POU6F2: variants seen among roughly 807,000 people sequenced by gnomAD.
POU6F2 encodes the protein POU class 6 homeobox 2.
POU6F2 carries 31 observed loss-of-function variants against 71.3 expected under a neutral mutation model. The observed-to-expected ratio is 0.43, with a 90% confidence interval of 0.33 to 0.59. The LOEUF (loss-of-function observed/expected upper bound fraction) is 0.59. POU6F2 is among the 20% of genes least tolerant of loss of function. The pLI, the probability that POU6F2 is intolerant of heterozygous loss-of-function variation, is 0.04. For missense variants in POU6F2, 783 were observed against 856.8 expected (o/e 0.91, Z 1.07); for synonymous variants, 347 against 355.7 (o/e 0.98, Z 0.27).
intron 6 of POU6F2, among the ~76,000 whole-genome samples, chr7:39,418,937 G>GTGTATATA (rs1270323092): frequency 7.7e-6 from 1 of 129,914 alleles, no homozygotes; most frequent in Non-Finnish European, 1.6e-5. Flanking sequence ...ATGTATATAT[G>GTGTATATA]TGTATATATG....
intron 4 of POU6F2, among the ~76,000 whole-genome samples, chr7:39,253,092 T>C (rs542689604): frequency 5.9e-5 from 9 of 152,172 alleles, no homozygotes; most frequent in Non-Finnish European, 1.2e-4. Flanking sequence ...GGCTTGCTAT[T>C]ATCCCTTCTC....
intron 4 of POU6F2, among the ~76,000 whole-genome samples, chr7:39,287,499 C>T (rs1784671722): frequency 6.6e-6 from 1 of 152,198 alleles, no homozygotes; most frequent in African/African-American, 2.4e-5. Context: ...CATAGTCTAC[C>T]AACCTCACTG....
intron 1 of POU6F2, among the ~76,000 whole-genome samples, chr7:38,987,921 T>C (rs1186291809): frequency 6.6e-6 from 1 of 152,136 alleles, no homozygotes; most frequent in Non-Finnish European, 1.5e-5. Context: ...GTGTGTTCTT[T>C]TTCCCTCTTG....
chr7:39,374,556 CAA>C (rs1786673697), intron 5 of POU6F2, among the ~76,000 whole-genome samples: 5 of 152,130 alleles, frequency 3.3e-5, no homozygotes, highest in Non-Finnish European at 7.4e-5. Flanking sequence ...TAAAGATATT[CAA>C]GAATGCTTTT....
At chr7:39,010,385 T>G in intron 1 of POU6F2, among the ~76,000 whole-genome samples, 1 of 148,604 alleles carries the variant, frequency 6.7e-6, no homozygotes, top group Non-Finnish European at 1.5e-5. Context: ...TTTATCATTT[T>G]TTATTGCATC....
chr7:39,320,492 G>T (rs763999676), intron 4 of POU6F2, among the ~76,000 whole-genome samples: 2 of 151,990 alleles, frequency 1.3e-5, no homozygotes, highest in Non-Finnish European at 2.9e-5. Context: ...ATTCTCAAAG[G>T]GGTTCATAAT....
At chr7:39,053,489 ACCACCAACTTTTTTCC>A (rs1327903051) in intron 1 of POU6F2, among the ~76,000 whole-genome samples, 1 of 151,874 alleles carries the variant, frequency 6.6e-6, no homozygotes, top group African/African-American at 2.4e-5. Flanking sequence ...ATTTGCCAAC[ACCACCAACTTTTTTCC>A]CCCCAGAAGA....
chr7:39,056,456 C>A (rs979634347), intron 1 of POU6F2, among the ~76,000 whole-genome samples: 3 of 151,984 alleles, frequency 2.0e-5, no homozygotes, highest in African/African-American at 7.2e-5. Context: ...TTATGGCAAA[C>A]ATTTTCTGGT....
At chr7:39,062,526 G>T (rs1463666137) in intron 1 of POU6F2, among the ~76,000 whole-genome samples, 4 of 151,220 alleles carry the variant, frequency 2.6e-5, no homozygotes, top group Non-Finnish European at 5.9e-5. Context: ...GAGCTAGGAA[G>T]GTTGCCACAA....
chr7:39,428,367 T>A (rs1300683381), intron 6 of POU6F2, among the ~76,000 whole-genome samples: 1 of 152,210 alleles, frequency 6.6e-6, no homozygotes, highest in African/African-American at 2.4e-5. Context: ...CTGTTTTAGG[T>A]CACAAATTAT....
intron 1 of POU6F2, among the ~76,000 whole-genome samples, chr7:38,996,681 T>A (rs1788747904): frequency 6.6e-6 from 1 of 152,226 alleles, no homozygotes; most frequent in South Asian, 2.1e-4. Flanking sequence ...TACTTTTTAC[T>A]TTTACTGTGT....
intron 1 of POU6F2, among the ~76,000 whole-genome samples, chr7:39,045,145 G>GT (rs2128712749): frequency 6.6e-6 from 1 of 152,060 alleles, no homozygotes; most frequent in Non-Finnish European, 1.5e-5. Flanking sequence ...TTATGATATA[G>GT]TACACTCCTC....
intron 5 of POU6F2, among the ~76,000 whole-genome samples, chr7:39,378,536 A>G (rs375034429): frequency 6.6e-6 from 1 of 152,274 alleles, no homozygotes; most frequent in East Asian, 1.9e-4. Flanking sequence ...CAGAAGACAG[A>G]GTTTAAGCAA....
chr7:39,268,884 C>T (rs1485396188), intron 4 of POU6F2, among the ~76,000 whole-genome samples: 1 of 152,194 alleles, frequency 6.6e-6, no homozygotes, highest in African/African-American at 2.4e-5. Context: ...TAAGTCTCCA[C>T]TTCAAGTGTT....
intron 5 of POU6F2, among the ~76,000 whole-genome samples, chr7:39,387,268 C>T (rs537869562): frequency 6.6e-6 from 1 of 152,350 alleles, no homozygotes; most frequent in African/African-American, 2.4e-5. Context: ...CATGAACACA[C>T]ATGGCCCTGT....
chr7:39,273,829 A>G (rs1438885940), intron 4 of POU6F2, among the ~76,000 whole-genome samples: 1 of 152,166 alleles, frequency 6.6e-6, no homozygotes, highest in East Asian at 1.9e-4. Flanking sequence ...GCCTTAGAGA[A>G]GCCTATGTTG....
intron 4 of POU6F2, among the ~76,000 whole-genome samples, chr7:39,246,542 G>A (rs994939508): frequency 5.3e-5 from 8 of 152,114 alleles, no homozygotes; most frequent in African/African-American, 1.9e-4. Context: ...TTTGACCTTA[G>A]GCAAGTTATT....
intron 6 of POU6F2, among the ~76,000 whole-genome samples, chr7:39,431,102 G>A (rs917033486): frequency 6.6e-6 from 1 of 152,138 alleles, no homozygotes; most frequent in Non-Finnish European, 1.5e-5. Context: ...CACACTGATG[G>A]GACGTGCTCA....
intron 4 of POU6F2, among the ~76,000 whole-genome samples, chr7:39,314,752 T>G (rs1401948009): frequency 6.6e-6 from 1 of 152,192 alleles, no homozygotes; most frequent in Non-Finnish European, 1.5e-5. Context: ...ATACATGAAG[T>G]AAACTCTAGC....
Sources: allele counts gnomAD v4.1 joint callset (sites outside exome capture counted in the v4.1 genomes callset), GRCh38; gene constraint gnomAD v4.1.1; transcripts MANE v1.5; gene names NCBI Gene and HGNC (gene_info 2026-07-23, HGNC 2026-07-21).